The following ASCC1 variants were observed in gnomAD, a reference collection of about 807,000 sequenced individuals.
ASCC1 encodes activating signal cointegrator 1 complex subunit 1.
ASCC1 carries 35 observed loss-of-function variants against 46.6 expected under a neutral mutation model. The observed-to-expected ratio is 0.75, with a 90% CI of 0.57 to 0.99. ASCC1 has a LOEUF of 0.99. Among genes scored for constraint, ASCC1 ranks in the 50% least tolerant of loss-of-function variants. The pLI is 0.00. For synonymous variants in ASCC1, 143 were observed against 146.6 expected, an observed-to-expected ratio of 0.98 and a Z score of 0.18; for missense variants, 376 against 428.7, an observed-to-expected ratio of 0.88 and a Z score of 1.09.
chr10:72,096,829 T>C lies in ASCC1; in HGVS notation c.*505A>G, dbSNP rs1286206634. 18 of 454,124 alleles carry C rather than the reference T, an allele frequency of 4.0e-5. No homozygotes were observed. Among genetic ancestry groups the C allele is most frequent in the South Asian group, 2.8e-4 (18 of 64,482 alleles). 28.1% of individuals were successfully genotyped at this position (454,124 alleles called of 1,614,324 possible). A position where few individuals can be genotyped will look rare whatever the true frequency, so the allele number is the denominator to read the frequency against. On this transcript the variant is annotated 3_prime_UTR_variant, in exon 10 of 10. Transcript: ENST00000672957. ...AGTCACAAAAAGACAAGTCACTGTA[T>C]GATTCCACTTATATGAGATACTGAG... is the stretch of plus-strand genomic sequence containing the variant.
intron 9 of ASCC1, among the ~76,000 whole-genome samples, chr10:72,105,855 C>T (rs1432251211): frequency 6.6e-6 from 1 of 152,114 alleles, no homozygotes; most frequent in Non-Finnish European, 1.5e-5. Flanking sequence ...ACACAGCCAT[C>T]AAAGACCAGA....
chr10:72,165,654 G>T (rs927835974), intron 5 of ASCC1, among the ~76,000 whole-genome samples: 1 of 152,202 alleles, frequency 6.6e-6, no homozygotes, highest in African/African-American at 2.4e-5. Context: ...AATGGAGCTT[G>T]AGCTATTTTT....
In ASCC1 at chr10:72,152,759, C is replaced by CA. The variant is rs955766132; in HGVS notation, c.746+109dup. ...AAAAAAAAGAGAGAGAAATAATTAACATGTTCTTTACAATAAGAACTCAAA... is the reference window on the plus strand; with the variant it reads ...AAAAAAAAGAGAGAGAAATAATTAACAATGTTCTTTACAATAAGAACTCAAA... On this transcript the variant is annotated intron_variant, in intron 7 of 9. Transcript: ENST00000672957. The CA allele has an allele frequency of 3.5e-5, 45 of 1,268,642 alleles. No homozygotes were observed. In the African/African-American group the frequency reaches 6.8e-4, roughly 19 times the overall value. The allele number at this position is 1,268,642 out of a possible 1,614,324, so 78.6% of individuals were successfully genotyped here. A position where few individuals can be genotyped will look rare whatever the true frequency, so the allele number is the denominator to read the frequency against.
At chr10:72,104,263 T>C (rs1406248892) in intron 9 of ASCC1, among the ~76,000 whole-genome samples, 2 of 152,296 alleles carry the variant, frequency 1.3e-5, no homozygotes, top group East Asian at 3.9e-4. Context: ...TCCCAAAGAC[T>C]GAAATGAACA....
At chr10:72,143,381 G>T (rs1425865696) in intron 7 of ASCC1, among the ~76,000 whole-genome samples, 1 of 151,616 alleles carries the variant, frequency 6.6e-6, no homozygotes, top group Non-Finnish European at 1.5e-5. Flanking sequence ...TGTTGTTGTT[G>T]TTGTTAAGAG....
In ASCC1 at chr10:72,096,667, G is replaced by A. The variant is rs772448258; in HGVS notation, c.*667C>T. ...ATAGTCAAGAGGAAGCAAGCCAAGT[G>A]TTCACTGATGGAGGAACAGAGTGTG... is the stretch of plus-strand genomic sequence containing the variant. On this transcript the variant is annotated 3_prime_UTR_variant, in exon 10 of 10. Coordinates refer to ENST00000672957, the MANE Select transcript of ASCC1 (RefSeq NM_001198800.3). The A allele has an allele frequency of 4.4e-6, 2 of 454,142 alleles. No homozygotes were observed. The highest frequency in any genetic ancestry group is 1.4e-4 in the East Asian group (2 of 14,398). 28.1% of individuals were successfully genotyped at this position (454,142 alleles called of 1,614,324 possible).
chr10:72,117,015 C>T (rs990558329), intron 9 of ASCC1, among the ~76,000 whole-genome samples: 1 of 152,160 alleles, frequency 6.6e-6, no homozygotes, highest in Non-Finnish European at 1.5e-5. Context: ...TCACTGCAAC[C>T]TCCACCTCCC....
At chr10:72,172,080 A>ATG (rs1279724868) in intron 5 of ASCC1, among the ~76,000 whole-genome samples, 1 of 152,076 alleles carries the variant, frequency 6.6e-6, no homozygotes, top group Non-Finnish European at 1.5e-5. Context: ...TCGTCTTCTG[A>ATG]TGTGTGTTAC....
intron 8 of ASCC1, 26 bp downstream of exon 8, chr10:72,133,029 CTG>C: frequency 6.2e-7 from 1 of 1,613,940 alleles, no homozygotes. Context: ...TGATCACAAA[CTG>C]TGCTATAGTT....
At chr10:72,211,004 G>A (rs1300955710) in intron 2 of ASCC1, among the ~76,000 whole-genome samples, 173 bp from the exon 3 acceptor site, 2 of 152,150 alleles carry the variant, frequency 1.3e-5, no homozygotes, top group South Asian at 4.1e-4. Context: ...TGACCCGATC[G>A]TATAGGAAAT....
At chr10:72,181,650 C>T (rs989819987) in intron 5 of ASCC1, among the ~76,000 whole-genome samples, 2 of 150,536 alleles carry the variant, frequency 1.3e-5, no homozygotes, top group African/African-American at 4.9e-5. Flanking sequence ...GAAAAAAAAA[C>T]GTCTGGACAG....
intron 9 of ASCC1, among the ~76,000 whole-genome samples, chr10:72,125,117 T>C (rs1246150568): frequency 6.6e-6 from 1 of 152,234 alleles, no homozygotes; most frequent in African/African-American, 2.4e-5. Context: ...ACACATATTA[T>C]ACCAAGCCAA....
At chr10:72,151,167 T>C (rs1054422313) in intron 7 of ASCC1, among the ~76,000 whole-genome samples, 1 of 152,198 alleles carries the variant, frequency 6.6e-6, no homozygotes, top group African/African-American at 2.4e-5. Context: ...TGTGGCACTA[T>C]TCACAATAGC....
chr10:72,170,604 A>G (rs569997012), intron 5 of ASCC1, among the ~76,000 whole-genome samples: 13 of 151,712 alleles, frequency 8.6e-5, no homozygotes, highest in African/African-American at 3.1e-4. Flanking sequence ...AAAAAAAAAA[A>G]AAAAAAAAAG....
At chr10:72,138,500 G>C (rs113940532) in intron 7 of ASCC1, among the ~76,000 whole-genome samples, 1 of 151,980 alleles carries the variant, frequency 6.6e-6, no homozygotes, top group African/African-American at 2.4e-5. Context: ...TTACACAGAA[G>C]GAAATGATGC....
At chr10:72,110,211 A>G (rs962881403) in intron 9 of ASCC1, among the ~76,000 whole-genome samples, 11 of 152,244 alleles carry the variant, frequency 7.2e-5, no homozygotes, top group Admixed American at 1.3e-4. Context: ...TATTATTCAT[A>G]ATGGTCCCTC....
At chr10:72,195,524 T>C (rs192016212) in intron 5 of ASCC1, among the ~76,000 whole-genome samples, 1 of 152,078 alleles carries the variant, frequency 6.6e-6, no homozygotes, top group East Asian at 1.9e-4. Flanking sequence ...AACTAGAATA[T>C]AAGATTATAT....
intron 7 of ASCC1, among the ~76,000 whole-genome samples, chr10:72,149,389 G>T (rs1406753118): frequency 8.3e-6 from 1 of 120,494 alleles, no homozygotes; most frequent in Non-Finnish European, 1.6e-5. Context: ...AGTAAGCCTA[G>T]ATCACGCCAC....
At chr10:72,102,249 G>A (rs1841856593) in intron 9 of ASCC1, 10 of 1,237,402 alleles carry the variant, frequency 8.1e-6, no homozygotes, top group African/African-American at 1.5e-5. Context: ...GCCATTGACA[G>A]TAACAGAACA....
Sources: allele counts gnomAD v4.1 joint callset (sites outside exome capture counted in the v4.1 genomes callset), GRCh38; gene constraint gnomAD v4.1.1; transcripts MANE v1.5; gene names NCBI Gene and HGNC (gene_info 2026-07-23, HGNC 2026-07-21).